THSD4: variants seen among roughly 807,000 people sequenced by gnomAD.
THSD4 encodes the protein thrombospondin type-1 domain-containing protein 4.
In THSD4, 69 loss-of-function variants were observed where a neutral mutation model predicts 119.0. The observed-to-expected ratio is 0.58, with a 90% CI of 0.48 to 0.71. THSD4 has a LOEUF of 0.71. Among genes scored for constraint, THSD4 ranks in the 30% least tolerant of loss-of-function variants. THSD4 has a pLI of 0.00. For synonymous variants in THSD4, 524 were observed against 540.4 expected (o/e 0.97, Z 0.42); for missense variants, 1,393 against 1,391.1 (o/e 1.00, Z -0.02).
chr15:71,609,721 A>G (rs1013351432), intron 7 of THSD4, among the ~76,000 whole-genome samples: 10 of 151,968 alleles, frequency 6.6e-5, no homozygotes, highest in Non-Finnish European at 1.2e-4. Flanking sequence ...GCATGGTGGC[A>G]GGCGCCTATA....
intron 8 of THSD4, among the ~76,000 whole-genome samples, chr15:71,719,648 G>A (rs2052675454): frequency 6.6e-6 from 1 of 152,150 alleles, no homozygotes; most frequent in Admixed American, 6.5e-5. Flanking sequence ...AGAGTACAAA[G>A]GAAACCAATT....
intron 6 of THSD4, among the ~76,000 whole-genome samples, chr15:71,321,992 A>G (rs2045275555): frequency 6.6e-6 from 1 of 152,192 alleles, no homozygotes; most frequent in Non-Finnish European, 1.5e-5. Context: ...ACTAAAGGGA[A>G]AATGTAGAAC....
At chr15:71,395,924 C>G (rs1009986933) in intron 6 of THSD4, among the ~76,000 whole-genome samples, 1 of 149,022 alleles carries the variant, frequency 6.7e-6, no homozygotes, top group Admixed American at 6.7e-5. Context: ...GACACACACA[C>G]ACACACACAC....
chr15:71,771,503 T>C lies in THSD4; in HGVS notation c.2914+295T>C, dbSNP rs1187011582. 4.6e-5 allele frequency among the ~76,000 whole-genome samples: 7 copies of C among 152,044 alleles called. No homozygotes were observed. The East Asian group carries it at 1.4e-3, about 29-fold the overall frequency. On this transcript the variant is annotated intron_variant, in intron 17 of 17. Transcript: ENST00000261862. ...CGTCCTTAAGGTCAAAGTAGTAAAA[T>C]GTCAACTTTTAATTGTAGGTGCAAA...
intron 1 of THSD4, among the ~76,000 whole-genome samples, chr15:71,098,183 C>A (rs975867897): frequency 7.7e-5 from 10 of 129,812 alleles, no homozygotes; most frequent in Non-Finnish European, 1.6e-4. Context: ...AATAAAAATT[C>A]TTTCACTTTT....
intron 7 of THSD4, among the ~76,000 whole-genome samples, chr15:71,532,283 A>AGAGAGAGAGAGAGTGTGTGTGT (rs1379506089): frequency 5.9e-5 from 6 of 101,574 alleles, no homozygotes; most frequent in Non-Finnish European, 1.3e-4. Flanking sequence ...AGAGAGAGAG[A>AGAGAGAGAGAGAGTGTGTGTGT]GTGTGTGTGT....
intron 7 of THSD4, among the ~76,000 whole-genome samples, chr15:71,443,505 A>C (rs184750450): frequency 2.0e-5 from 3 of 152,320 alleles, no homozygotes; most frequent in Admixed American, 1.3e-4. Flanking sequence ...TTCTGAATTT[A>C]GAGTAAGGAG....
At chr15:71,256,767 T>C (rs778966985) in intron 6 of THSD4, 52 bp downstream of exon 6, 2 of 1,535,000 alleles carry the variant, frequency 1.3e-6, no homozygotes, top group Admixed American at 1.7e-5. Context: ...CTGTTTTCCA[T>C]TCTTGTTGAC....
chr15:71,131,115 A>C (rs2040500162), intron 1 of THSD4, among the ~76,000 whole-genome samples: 2 of 152,136 alleles, frequency 1.3e-5, no homozygotes, highest in South Asian at 4.1e-4. Flanking sequence ...TGTACCAGTC[A>C]CGTGGTTTCT....
At chr15:71,557,909 A>T (rs887755334) in intron 7 of THSD4, among the ~76,000 whole-genome samples, 11 of 152,160 alleles carry the variant, frequency 7.2e-5, no homozygotes, top group Middle Eastern at 6.3e-3. Context: ...TAATCTTCAT[A>T]AAAAAATCAA....
intron 8 of THSD4, among the ~76,000 whole-genome samples, chr15:71,680,916 ATT>A (rs771191395): frequency 0.013 from 1,774 of 135,412 alleles, 20 homozygotes; most frequent in African/African-American, 0.038. Flanking sequence ...ATTACTAGTA[ATT>A]TTTTTTTTTT....
chr15:71,452,633 G>T (rs2047281864), intron 7 of THSD4, among the ~76,000 whole-genome samples: 1 of 151,332 alleles, frequency 6.6e-6, no homozygotes, highest in African/African-American at 2.4e-5. Flanking sequence ...ATATTTTTTT[G>T]AGACGGAGTT....
chr15:71,492,123 T>C (rs551349138), intron 7 of THSD4, among the ~76,000 whole-genome samples: 1 of 143,100 alleles, frequency 7.0e-6, no homozygotes, highest in African/African-American at 2.6e-5. Flanking sequence ...GATGTATTTA[T>C]ATATTATGGA....
intron 7 of THSD4, among the ~76,000 whole-genome samples, 196 bp downstream of exon 7, chr15:71,412,019 C>A (rs1450545202): frequency 6.6e-6 from 1 of 152,188 alleles, no homozygotes; most frequent in Non-Finnish European, 1.5e-5. Context: ...CTTTGGGCGT[C>A]ACCAGGTCCC....
intron 7 of THSD4, among the ~76,000 whole-genome samples, chr15:71,548,931 G>A (rs1361179627): frequency 1.3e-5 from 2 of 152,200 alleles, no homozygotes; most frequent in East Asian, 1.9e-4. Flanking sequence ...CCTCAGTGGT[G>A]TGCCAATTAT....
At chr15:71,730,618 T>C (rs1478558651) in intron 9 of THSD4, 2 of 154,238 alleles carry the variant, frequency 1.3e-5, no homozygotes, top group African/African-American at 4.8e-5. Context: ...TTTCCCTGAA[T>C]AAGAGGGAGG....
At chr15:71,341,701 A>G (rs2045580295) in intron 6 of THSD4, 1 of 1,192,328 alleles carries the variant, frequency 8.4e-7, no homozygotes, top group Admixed American at 1.7e-5. Context: ...GGTCAAGTGA[A>G]TAGCGAACCA....
chr15:71,720,588 G>A (rs561490046), intron 8 of THSD4, among the ~76,000 whole-genome samples: 2 of 152,344 alleles, frequency 1.3e-5, no homozygotes, highest in African/African-American at 4.8e-5. Flanking sequence ...TTAGTGAAAA[G>A]AAGGATGGAA....
At chr15:71,711,657 C>T (rs1057040751) in intron 8 of THSD4, among the ~76,000 whole-genome samples, 4 of 122,234 alleles carry the variant, frequency 3.3e-5, no homozygotes, top group Non-Finnish European at 6.8e-5. Context: ...TATAAGAAAT[C>T]CACTCTAAAG....
Sources: gnomAD v4.1 joint callset for allele counts (sites outside exome capture counted in the v4.1 genomes callset) on GRCh38, gnomAD v4.1.1 for gene constraint, MANE v1.5 for transcripts, NCBI Gene and HGNC (gene_info 2026-07-23, HGNC 2026-07-21) for gene names.